The following ZSWIM6 variants were observed in gnomAD, a reference collection of about 807,000 sequenced individuals.
The protein encoded by ZSWIM6 is zinc finger SWIM-type containing 6, also known as zinc finger SWIM domain-containing protein 6.
A neutral mutation model predicts 113.2 loss-of-function variants in ZSWIM6; 9 were observed. The ratio of observed to expected loss-of-function variants is 0.08; its 90% CI spans 0.05 to 0.14. The LOEUF is 0.14. Among genes scored for constraint, ZSWIM6 ranks in the 10% least tolerant of loss-of-function variants. The pLI, the probability that ZSWIM6 is intolerant of heterozygous loss-of-function variation, is 1.00. For missense variants in ZSWIM6, 1,162 were observed against 1,552.2 expected, an observed-to-expected ratio of 0.75 and a Z score of 4.22; for synonymous variants, 611 against 606.5, an observed-to-expected ratio of 1.01 and a Z score of -0.11.
chr5:61,542,011 G>A lies in ZSWIM6; in HGVS notation c.2785+46G>A, dbSNP rs555669249. ...AAGCTTTCCTAGGTGCCTCATGGTA[G>A]GATTTAACTTGTCAGTTACAGACAT... On this transcript the variant is annotated intron_variant, in intron 13 of 13. Transcript: ENST00000252744. 452 of 1,487,376 alleles carry A rather than the reference G, an allele frequency of 3.0e-4. 6 individuals carry two copies. In the South Asian group the frequency reaches 5.3e-3, roughly 18 times the overall value. 92.1% of individuals were successfully genotyped at this position (1,487,376 alleles called of 1,614,324 possible). A position where few individuals can be genotyped will look rare whatever the true frequency, so the allele number is the denominator to read the frequency against.
intron 4 of ZSWIM6, among the ~76,000 whole-genome samples, chr5:61,517,849 G>T (rs1748995419): frequency 6.6e-6 from 1 of 150,872 alleles, no homozygotes; most frequent in African/African-American, 2.4e-5. Context: ...CAATGTACAG[G>T]TTAGTTACAT....
chr5:61,375,717 G>C (rs914313645), intron 1 of ZSWIM6: 76 of 1,544,802 alleles, frequency 4.9e-5, no homozygotes, highest in Non-Finnish European at 6.0e-5. Context: ...AGTATATTGA[G>C]GAGGTGCAAG....
intron 4 of ZSWIM6, among the ~76,000 whole-genome samples, chr5:61,507,686 A>G (rs1249737677): frequency 6.6e-6 from 1 of 152,090 alleles, no homozygotes; most frequent in African/African-American, 2.4e-5. Context: ...GACCTGTGTA[A>G]GTTTTTGTTG....
At chr5:61,393,662 C>CG (rs977877313) in intron 1 of ZSWIM6, among the ~76,000 whole-genome samples, 11 of 150,702 alleles carry the variant, frequency 7.3e-5, no homozygotes, top group Admixed American at 2.0e-4. Context: ...CACTTGAACT[C>CG]GGGGGGCGGA....
Position 61,543,658 on chromosome 5 carries a change from C to T in ZSWIM6, c.2989C>T (p.Leu997Phe), listed in dbSNP as rs1749803397. 1 of 1,551,768 alleles carries T rather than the reference C, an allele frequency of 6.4e-7. No individual in the cohort carries two copies. The highest frequency in any genetic ancestry group is 8.7e-7 in the Non-Finnish European group (1 of 1,147,022). ...CATGAAGGATCCACAGAACTGTGCC[C>T]TCTCTGCGCTAACCCTTTGTGAAAA... Reference protein sequence around the residue: ...CAMKDPQNCALSALTLCEKDH... With the variant: ...CAMKDPQNCAFSALTLCEKDH... The change falls in exon 14 of 14, where the codon CTC becomes TTC. Residue 997 changes from leucine to phenylalanine, a missense_variant. Leu to Phe is a conservative substitution (Grantham distance 22). This residue lies in a region of ZSWIM6 where 620 missense variants were observed against 804.6 expected (regional missense o/e 0.77). Coordinates refer to ENST00000252744, the MANE Select transcript of ZSWIM6 (RefSeq NM_020928.2). The surrounding 1 kb of genome is among the most constrained non-coding windows in gnomAD (Gnocchi z 4.3).
intron 1 of ZSWIM6, among the ~76,000 whole-genome samples, chr5:61,464,291 G>T (rs532735301): frequency 6.4e-4 from 96 of 149,446 alleles, no homozygotes; most frequent in Non-Finnish European, 1.2e-3. Context: ...AAAGTGTTGG[G>T]ATTACAGGCG....
In ZSWIM6 at chr5:61,375,732, A is replaced by C. The variant is rs1363059429; in HGVS notation, c.676+42784A>C. On this transcript the variant is annotated intron_variant, in intron 1 of 13. Transcript: ENST00000252744. ...AGTATATTGAGGAGGTGCAAGCAAA[A>C]AAGAAGAAAAGCAGTGAAGAACGAG... 8 of 1,540,252 alleles carry C rather than the reference A, an allele frequency of 5.2e-6. No individual in the cohort carries two copies. The East Asian group carries it at 1.7e-4, about 33-fold the overall frequency.
intron 2 of ZSWIM6, among the ~76,000 whole-genome samples, chr5:61,476,188 A>G (rs1385942243): frequency 6.6e-6 from 1 of 152,080 alleles, no homozygotes; most frequent in Non-Finnish European, 1.5e-5. Flanking sequence ...TGTTCTTAGT[A>G]GTTGTTTTTC....
chr5:61,402,396 T>C (rs1239450009), intron 1 of ZSWIM6, among the ~76,000 whole-genome samples: 1 of 152,256 alleles, frequency 6.6e-6, no homozygotes, highest in Non-Finnish European at 1.5e-5. Flanking sequence ...TTTGCCATTA[T>C]GTCACTCATT....
intron 1 of ZSWIM6, among the ~76,000 whole-genome samples, chr5:61,405,636 T>C (rs1470844350): frequency 6.6e-6 from 1 of 152,218 alleles, no homozygotes; most frequent in Non-Finnish European, 1.5e-5. Flanking sequence ...ACAACAGGCA[T>C]GTTTGAAAAA....
Position 61,541,951 on chromosome 5 carries a change from G to C in ZSWIM6, c.2771G>C (p.Cys924Ser), listed in dbSNP as rs1439151169. Residue 924 changes from cysteine to serine, a missense_variant, in exon 13 of 14, where the codon TGT (cysteine) becomes TCT (serine). Around this residue, in one of 4 missense-constraint regions of ZSWIM6, gnomAD observed 620 missense variants for 804.6 expected, o/e 0.77. Transcript: ENST00000252744. ...GAGATGGTGAGGTGGCTGGTAACGT[G>C]TGCTACTGAAGTCGGTAGGTAAACT... ...RREMVRWLVT[C>S]ATEVGVYALD... is the part of the protein sequence containing the mutation. The C allele has an allele frequency of 6.4e-7, 1 of 1,550,680 alleles. No homozygotes were observed. Among genetic ancestry groups the C allele is most frequent in the Non-Finnish European group, 8.7e-7 (1 of 1,146,048 alleles).
Position 61,332,345 on chromosome 5 carries a change from G to GGCT in ZSWIM6, c.74_75insCTG (p.Gly25_Gly26insTrp). The GGCT allele has an allele frequency of 9.6e-7, 1 of 1,043,690 alleles. No individual in the cohort carries two copies. Among genetic ancestry groups the GGCT allele is most frequent in the Non-Finnish European group, 1.2e-6 (1 of 853,602 alleles). The allele number at this position is 1,043,690 out of a possible 1,614,324, so 64.7% of individuals were successfully genotyped here. A position where few individuals can be genotyped will look rare whatever the true frequency, so the allele number is the denominator to read the frequency against. ...CCGGCCGGGCGGCGGCGGCGGCGGC[G>GGCT]GGGGCAGCAGCGGCGGCGGCGGCGG... On this transcript the variant is annotated inframe_insertion, in exon 1 of 14. Transcript: ENST00000252744.
At chr5:61,501,425 T>A (rs1748464456) in intron 4 of ZSWIM6, among the ~76,000 whole-genome samples, 1 of 152,266 alleles carries the variant, frequency 6.6e-6, no homozygotes, top group African/African-American at 2.4e-5. Context: ...GTTACCTGTA[T>A]AGGGAAGAGT....
chr5:61,521,002 AT>A (rs1361728984), intron 4 of ZSWIM6, among the ~76,000 whole-genome samples: 1 of 152,062 alleles, frequency 6.6e-6, no homozygotes, highest in Non-Finnish European at 1.5e-5. Flanking sequence ...CTTTGGATCT[AT>A]TGTCCTCCTT....
intron 1 of ZSWIM6, among the ~76,000 whole-genome samples, chr5:61,471,285 A>G (rs759198474): frequency 1.3e-5 from 2 of 152,194 alleles, no homozygotes; most frequent in Non-Finnish European, 2.9e-5. Context: ...ATCCTTGGCC[A>G]CTGAATATGG....
chr5:61,382,268 C>T (rs1278461697), intron 1 of ZSWIM6, among the ~76,000 whole-genome samples: 1 of 152,164 alleles, frequency 6.6e-6, no homozygotes, highest in African/African-American at 2.4e-5. Context: ...CTTTCTACCT[C>T]AACTTTTCTC....
intron 1 of ZSWIM6, among the ~76,000 whole-genome samples, chr5:61,346,026 C>A (rs574333329): frequency 7.2e-5 from 11 of 152,128 alleles, no homozygotes; most frequent in Non-Finnish European, 1.6e-4. Context: ...CTCACTGCAA[C>A]CTCCGCCTCC....
At chr5:61,497,124 A>AG (rs1748339632) in intron 4 of ZSWIM6, among the ~76,000 whole-genome samples, 3 of 149,872 alleles carry the variant, frequency 2.0e-5, no homozygotes, top group African/African-American at 7.3e-5. Flanking sequence ...AAAAAAAAAA[A>AG]GATTCCTGGC....
intron 1 of ZSWIM6, among the ~76,000 whole-genome samples, chr5:61,354,524 G>A (rs528943592): frequency 6.6e-6 from 1 of 152,242 alleles, no homozygotes; most frequent in South Asian, 2.1e-4. Flanking sequence ...CCAAAAGTAT[G>A]TAATTATCAC....
Sources: allele counts gnomAD v4.1 joint callset (sites outside exome capture counted in the v4.1 genomes callset), GRCh38; gene constraint gnomAD v4.1.1; regional missense constraint gnomAD v4.1.1; non-coding constraint Gnocchi (gnomAD v3.1); transcripts MANE v1.5; gene names NCBI Gene and HGNC (gene_info 2026-07-23, HGNC 2026-07-21).